ADARB1: variants seen among roughly 807,000 people sequenced by gnomAD.
ADARB1 encodes adenosine deaminase RNA specific B1, also known as double-stranded RNA-specific editase 1.
A neutral mutation model predicts 52.4 loss-of-function variants in ADARB1; 10 were observed. The observed-to-expected ratio is 0.19, with a 90% CI of 0.12 to 0.32. The LOEUF is 0.32. Among genes scored for constraint, ADARB1 ranks in the 10% least tolerant of loss-of-function variants. ADARB1 has a pLI of 1.00. For missense variants in ADARB1, 643 were observed against 922.3 expected, an observed-to-expected ratio of 0.70 and a Z score of 3.92; for synonymous variants, 349 against 371.1, an observed-to-expected ratio of 0.94 and a Z score of 0.68.
At chr21:45,103,932 C>T (rs2087134654) in intron 1 of ADARB1, among the ~76,000 whole-genome samples, 1 of 152,134 alleles carries the variant, frequency 6.6e-6, no homozygotes, top group Non-Finnish European at 1.5e-5. Flanking sequence ...TCTTTGATTT[C>T]TTAACTCTGT....
chr21:45,200,351 G>C lies in ADARB1; in HGVS notation c.1566-4204G>C, dbSNP rs537746936. ...AGACCATGGGGTGAGAGGCTCCCAT[G>C]GGGTTGGCCACCCCACGGTGATTAT... On this transcript the variant is annotated intron_variant, in intron 8 of 10. Transcript: ENST00000348831. This position sits in a 1 kb window ranked among gnomAD's most constrained non-coding sequence, Gnocchi z 5.0. Among the ~76,000 whole-genome samples, 40 of 152,318 alleles carry C rather than the reference G, an allele frequency of 2.6e-4. No homozygotes were observed. In the South Asian group the frequency reaches 7.9e-3, roughly 30 times the overall value.
chr21:45,138,100 A>G (rs1245506178), intron 2 of ADARB1, among the ~76,000 whole-genome samples: 2 of 152,188 alleles, frequency 1.3e-5, no homozygotes, highest in Admixed American at 6.5e-5. Flanking sequence ...TTGTATTTCT[A>G]TATTAATTAG....
At chr21:45,079,874 G>A (rs1297694191) in intron 1 of ADARB1, among the ~76,000 whole-genome samples, 1 of 152,172 alleles carries the variant, frequency 6.6e-6, no homozygotes, top group Non-Finnish European at 1.5e-5. Context: ...GATCTATGAG[G>A]CATACAGTAT....
Position 45,075,046 on chromosome 21 carries a change from C to T in ADARB1, c.-220+253C>T, listed in dbSNP as rs573910633. ...GCCCGGGCGGCCCCGCGTCCCCTCCCGAGGGCGCCGAGTCCGCGTGGGATG... is the reference window on the plus strand; with the variant it reads ...GCCCGGGCGGCCCCGCGTCCCCTCCTGAGGGCGCCGAGTCCGCGTGGGATG... On this transcript the variant is annotated intron_variant, in intron 1 of 10. Transcript: ENST00000348831. Among the ~76,000 whole-genome samples the T allele has an allele frequency of 9.1e-4, 137 of 150,138 alleles. 1 individual carries two copies. In the Middle Eastern group the frequency reaches 0.017, roughly 19 times the overall value.
At chr21:45,211,480 T>C (rs2092768619) in intron 9 of ADARB1, among the ~76,000 whole-genome samples, 1 of 152,246 alleles carries the variant, frequency 6.6e-6, no homozygotes, top group Admixed American at 6.5e-5. Context: ...AATGAATGTC[T>C]GATAGTTTCT....
intron 2 of ADARB1, among the ~76,000 whole-genome samples, chr21:45,163,567 C>G (rs916741983): frequency 6.6e-6 from 1 of 151,700 alleles, no homozygotes; most frequent in Non-Finnish European, 1.5e-5. Flanking sequence ...GGCGCTGACT[C>G]TGGGCCCTCA....
Position 45,223,425 on chromosome 21 carries a change from C to T in ADARB1, c.*1228C>T, listed in dbSNP as rs749713924. The T allele has an allele frequency of 3.2e-4, 318 of 985,710 alleles. No individual in the cohort carries two copies. Among genetic ancestry groups the T allele is most frequent in the Non-Finnish European group, 3.8e-4 (312 of 830,254 alleles). The allele number at this position is 985,710 out of a possible 1,614,324, so 61.1% of individuals were successfully genotyped here. On this transcript the variant is annotated 3_prime_UTR_variant, in exon 11 of 11. Coordinates refer to ENST00000348831, the MANE Select transcript of ADARB1 (RefSeq NM_001112.4). ...GAGTCAGCCCGGGAGGTCAGGAGCG[C>T]GGCGGGCGAGGGCCCTGTGTGGACC... is the stretch of plus-strand genomic sequence containing the variant.
Position 45,204,235 on chromosome 21 carries a change from G to A in ADARB1, c.1566-320G>A, listed in dbSNP as rs2092621298. ...CCTCTGAAAGTGAAACCTCAGATAA[G>A]GGGACCTGCTATAATTAAATATGTA... On this transcript the variant is annotated intron_variant, in intron 8 of 10. Coordinates refer to ENST00000348831, the MANE Select transcript of ADARB1 (RefSeq NM_001112.4). This position sits in a 1 kb window ranked among gnomAD's most constrained non-coding sequence, Gnocchi z 4.4. Among the ~76,000 whole-genome samples, 1 of 152,184 alleles carries A rather than the reference G, an allele frequency of 6.6e-6. No individual in the cohort carries two copies. Among genetic ancestry groups the A allele is most frequent in the African/African-American group, 2.4e-5 (1 of 41,428 alleles).
intron 2 of ADARB1, among the ~76,000 whole-genome samples, chr21:45,169,882 G>A (rs77480524): frequency 5.4e-4 from 82 of 152,218 alleles, no homozygotes; most frequent in African/African-American, 1.9e-3. Flanking sequence ...TCAGTTTGAC[G>A]AGCATGTCCT....
chr21:45,177,241 A>G (rs998286175), intron 4 of ADARB1: 2 of 153,892 alleles, frequency 1.3e-5, no homozygotes, highest in Admixed American at 6.4e-5. Context: ...CACAGCAGTG[A>G]GCACCTATCA....
At chr21:45,214,895 C>T (rs1602035968) in intron 9 of ADARB1, among the ~76,000 whole-genome samples, 1 of 152,318 alleles carries the variant, frequency 6.6e-6, no homozygotes, top group Middle Eastern at 3.4e-3. Flanking sequence ...ATAGTCCACT[C>T]ATCAGTTCTA....
chr21:45,090,175 C>T (rs999962368), intron 1 of ADARB1, among the ~76,000 whole-genome samples: 3 of 152,168 alleles, frequency 2.0e-5, no homozygotes, highest in African/African-American at 4.8e-5. Flanking sequence ...GAAATGATCA[C>T]GTGGTTTTCC....
intron 4 of ADARB1, among the ~76,000 whole-genome samples, chr21:45,179,094 G>C (rs1480904060): frequency 6.6e-6 from 1 of 152,032 alleles, no homozygotes; most frequent in Non-Finnish European, 1.5e-5. Context: ...CTGGCACCCT[G>C]GCCAATTGGA....
chr21:45,094,307 T>A (rs774786389), intron 1 of ADARB1, among the ~76,000 whole-genome samples: 3 of 152,200 alleles, frequency 2.0e-5, no homozygotes, highest in Non-Finnish European at 4.4e-5. Flanking sequence ...CGTGTCTTTA[T>A]CAAGCAGTAG....
At chr21:45,168,220 A>G (rs561811831) in intron 2 of ADARB1, among the ~76,000 whole-genome samples, 2 of 151,864 alleles carry the variant, frequency 1.3e-5, no homozygotes, top group South Asian at 4.2e-4. Flanking sequence ...AGAATTTCTT[A>G]TATATTCTAT....
chr21:45,089,626 T>C (rs540816577), intron 1 of ADARB1, among the ~76,000 whole-genome samples: 1 of 152,358 alleles, frequency 6.6e-6, no homozygotes, highest in South Asian at 2.1e-4. Flanking sequence ...TATTGATCTA[T>C]ATGAAATTTG....
At position 45,200,916 on chromosome 21, in the gene ADARB1, C is replaced by T. The variant is rs2092540059; in HGVS notation, c.1566-3639C>T. Among the ~76,000 whole-genome samples, 1 of 152,188 alleles carries T rather than the reference C, an allele frequency of 6.6e-6. No individual in the cohort carries two copies. Among genetic ancestry groups the T allele is most frequent in the Admixed American group, 6.5e-5 (1 of 15,280 alleles). On this transcript the variant is annotated intron_variant, in intron 8 of 10. Coordinates refer to ENST00000348831, the MANE Select transcript of ADARB1 (RefSeq NM_001112.4). This position sits in a 1 kb window ranked among gnomAD's most constrained non-coding sequence, Gnocchi z 5.0. ...AATCAGGGGACAGATCAGATGATAG[C>T]AGTCTGGACTCTGTTCCTAAAGAAA...
In ADARB1 at chr21:45,113,707, G is replaced by A. The variant is rs2087673844; in HGVS notation, c.-219-14695G>A. On this transcript the variant is annotated intron_variant, in intron 1 of 10. Transcript: ENST00000348831. Reference sequence around the variant, plus strand: ...GATACTTGAGCAGCCCTGCCCAGAGGAGCCTGTGCAGCACATGAGGGTTCT... The same window carrying A: ...GATACTTGAGCAGCCCTGCCCAGAGAAGCCTGTGCAGCACATGAGGGTTCT... 2.6e-5 allele frequency among the ~76,000 whole-genome samples: 4 copies of A among 152,184 alleles called. No homozygotes were observed. In the South Asian group the frequency reaches 6.2e-4, roughly 24 times the overall value.
chr21:45,094,691 C>T (rs904308747), intron 1 of ADARB1, among the ~76,000 whole-genome samples: 1 of 152,104 alleles, frequency 6.6e-6, no homozygotes, highest in Non-Finnish European at 1.5e-5. Flanking sequence ...CACACAGCTG[C>T]CCTTCCTGTC....
Sources: allele counts gnomAD v4.1 joint callset (sites outside exome capture counted in the v4.1 genomes callset), GRCh38; gene constraint gnomAD v4.1.1; non-coding constraint Gnocchi (gnomAD v3.1); transcripts MANE v1.5; gene names NCBI Gene and HGNC (gene_info 2026-07-23, HGNC 2026-07-21).